The following LINGO2 variants were observed in gnomAD, a reference collection of about 807,000 sequenced individuals.
LINGO2 encodes leucine rich repeat and Ig domain containing 2, also known as leucine-rich repeat and immunoglobulin-like domain-containing nogo receptor-interacting protein 2.
LINGO2 carries 14 observed loss-of-function variants against 30.6 expected under a neutral mutation model. The observed-to-expected ratio is 0.46, with a 90% confidence interval of 0.30 to 0.72. The LOEUF (loss-of-function observed/expected upper bound fraction) is 0.72, where lower values mean the gene tolerates loss of function less well. Among genes scored for constraint, LINGO2 ranks in the 30% least tolerant of loss-of-function variants. LINGO2 has a pLI of 0.07. For missense variants in LINGO2, 729 were observed against 751.7 expected (o/e 0.97, Z 0.35); for synonymous variants, 317 against 288.5 (o/e 1.10, Z -1.00).
intron 4 of LINGO2, among the ~76,000 whole-genome samples, chr9:28,058,985 T>C (rs1198926061): frequency 6.6e-6 from 1 of 152,156 alleles, no homozygotes; most frequent in African/African-American, 2.4e-5. Context: ...TGATGGTGTA[T>C]ATCAAAAAAG....
At chr9:28,983,788 C>A in the LINGO2 span, among the ~76,000 whole-genome samples, 1 of 151,886 alleles carries the variant, frequency 6.6e-6, no homozygotes, top group Non-Finnish European at 1.5e-5. Context: ...GGGTTTCACT[C>A]TTATTTACTC....
At chr9:28,191,006 G>A (rs1265420194) in intron 4 of LINGO2, among the ~76,000 whole-genome samples, 2 of 152,158 alleles carry the variant, frequency 1.3e-5, no homozygotes, top group Non-Finnish European at 2.9e-5. Flanking sequence ...TGCCAGCCAG[G>A]TGCCAGTTAG....
the LINGO2 span, among the ~76,000 whole-genome samples, chr9:29,120,863 A>G: frequency 2.0e-5 from 3 of 152,188 alleles, no homozygotes; most frequent in East Asian, 5.8e-4. Context: ...TAGAGTTGTT[A>G]TAAGAACTAT....
chr9:28,668,268 G>A (rs1360047807), intron 1 of LINGO2, among the ~76,000 whole-genome samples: 4 of 151,876 alleles, frequency 2.6e-5, no homozygotes, highest in Non-Finnish European at 1.5e-5. Context: ...CTTATCTGTA[G>A]GCAAAAGAAA....
chr9:28,055,485 G>C (rs1029219610), intron 4 of LINGO2, among the ~76,000 whole-genome samples: 1 of 152,174 alleles, frequency 6.6e-6, no homozygotes, highest in African/African-American at 2.4e-5. Flanking sequence ...TGTAAAAAGA[G>C]AGTAAGGTTC....
At chr9:28,824,652 A>T in the LINGO2 span, among the ~76,000 whole-genome samples, 1 of 152,288 alleles carries the variant, frequency 6.6e-6, no homozygotes, top group South Asian at 2.1e-4. Flanking sequence ...GATGTCTTTC[A>T]CCAGAGTAGA....
the LINGO2 span, among the ~76,000 whole-genome samples, chr9:28,860,613 A>G: frequency 1.3e-5 from 2 of 150,942 alleles, no homozygotes; most frequent in Admixed American, 6.7e-5. Flanking sequence ...GATAGTCTTT[A>G]TTTCTCTCTC....
the LINGO2 span, among the ~76,000 whole-genome samples, chr9:29,182,871 A>G: frequency 6.6e-6 from 1 of 152,184 alleles, no homozygotes. Flanking sequence ...ATTAAAGAAG[A>G]GATAAAAATC....
At chr9:28,567,958 C>T (rs1823470903) in intron 1 of LINGO2, among the ~76,000 whole-genome samples, 1 of 152,074 alleles carries the variant, frequency 6.6e-6, no homozygotes, top group Non-Finnish European at 1.5e-5. Context: ...GCAAAGCTGA[C>T]TTCCCATCCC....
At chr9:29,158,408 T>G in the LINGO2 span, among the ~76,000 whole-genome samples, 1 of 142,482 alleles carries the variant, frequency 7.0e-6, no homozygotes, top group Non-Finnish European at 1.5e-5. Context: ...TCTATAACTT[T>G]AGTGATACTC....
At chr9:29,033,821 T>C in the LINGO2 span, among the ~76,000 whole-genome samples, 3 of 151,832 alleles carry the variant, frequency 2.0e-5, no homozygotes, top group Admixed American at 1.3e-4. Flanking sequence ...GTCAGAAACA[T>C]AGTAATCATA....
chr9:28,050,173 T>G (rs1452463035), intron 4 of LINGO2, among the ~76,000 whole-genome samples: 1 of 150,602 alleles, frequency 6.6e-6, no homozygotes, highest in Non-Finnish European at 1.5e-5. Flanking sequence ...ACTAAAATTC[T>G]GAATAAAAAG....
chr9:29,200,812 C>G, the LINGO2 span, among the ~76,000 whole-genome samples: 2 of 152,050 alleles, frequency 1.3e-5, no homozygotes, highest in South Asian at 4.1e-4. Flanking sequence ...CTCTTCTTGG[C>G]TATGACAGTT....
At chr9:28,277,850 C>CA (rs35288673) in intron 4 of LINGO2, among the ~76,000 whole-genome samples, 42,240 of 135,312 alleles carry the variant, frequency 0.31, 6,539 homozygotes, top group South Asian at 0.42. Context: ...AAAAAAAAAA[C>CA]AAAAAAAAAA....
At chr9:28,732,833 A>G in the LINGO2 span, among the ~76,000 whole-genome samples, 1 of 152,168 alleles carries the variant, frequency 6.6e-6, no homozygotes, top group African/African-American at 2.4e-5. Context: ...CAATCTACAC[A>G]TTCCACTTTC....
intron 4 of LINGO2, among the ~76,000 whole-genome samples, chr9:28,014,303 A>G (rs1563912975): frequency 1.3e-5 from 2 of 152,214 alleles, no homozygotes; most frequent in Admixed American, 6.6e-5. Flanking sequence ...GTTTTTCATT[A>G]TAATTGCATA....
At chr9:28,009,355 T>TAAA (rs72535340) in intron 5 of LINGO2, among the ~76,000 whole-genome samples, 36 of 145,114 alleles carry the variant, frequency 2.5e-4, no homozygotes, top group East Asian at 1.0e-3. Flanking sequence ...GCACAAGTGA[T>TAAA]AAAAAAAAAA....
intron 3 of LINGO2, among the ~76,000 whole-genome samples, chr9:28,344,579 G>C (rs540113831): frequency 6.6e-6 from 1 of 152,042 alleles, no homozygotes; most frequent in East Asian, 1.9e-4. Flanking sequence ...TGTGGGATTA[G>C]ATTATTTTTA....
intron 3 of LINGO2, among the ~76,000 whole-genome samples, chr9:28,345,865 A>G (rs1409263722): frequency 2.0e-5 from 3 of 152,340 alleles, no homozygotes; most frequent in Non-Finnish European, 2.9e-5. Flanking sequence ...TCCTAAACAA[A>G]AATAGCAAAA....
Sources: allele counts gnomAD v4.1 joint callset (sites outside exome capture counted in the v4.1 genomes callset), GRCh38; gene constraint gnomAD v4.1.1; transcripts MANE v1.5; gene names NCBI Gene and HGNC (gene_info 2026-07-23, HGNC 2026-07-21).